The following TMEM53 variants were observed in gnomAD, a reference collection of about 807,000 sequenced individuals.
The protein encoded by TMEM53 is transmembrane protein 53.
A neutral mutation model predicts 21.4 loss-of-function variants in TMEM53; 14 were observed. That is an observed-to-expected ratio of 0.65 (90% CI 0.43 to 1.02). The LOEUF is 1.02. Among genes scored for constraint, TMEM53 ranks in the 50% least tolerant of loss-of-function variants. The pLI is 0.00. For missense variants in TMEM53, 323 were observed against 383.6 expected, an observed-to-expected ratio of 0.84 and a Z score of 1.32; for synonymous variants, 148 against 157.4, an observed-to-expected ratio of 0.94 and a Z score of 0.45.
Position 44,654,578 on chromosome 1 carries a change from C to T in TMEM53, c.815G>A (p.Arg272His), listed in dbSNP as rs891232746. Residue 272 changes from arginine to histidine, a missense_variant, in exon 3 of 3, where the codon CGC becomes CAC. Around this residue, in one of 3 missense-constraint regions of TMEM53, gnomAD observed 269 missense variants for 334.5 expected, o/e 0.80. Transcript: ENST00000372237. This position sits in a 1 kb window ranked among gnomAD's most constrained non-coding sequence, Gnocchi z 7.0. ...YYTSLCVDFMRNCVRC is the reference protein window; with the variant it reads ...YYTSLCVDFMHNCVRC Reference sequence around the variant, plus strand: ...ATGGCCTCAGCAGCGGACGCAGTTGCGCATGAAGTCGACACAGAGGCTTGT... The same window carrying T: ...ATGGCCTCAGCAGCGGACGCAGTTGTGCATGAAGTCGACACAGAGGCTTGT... 4.9e-5 allele frequency: 79 copies of T among 1,606,456 alleles called. No homozygotes were observed. The highest frequency in any genetic ancestry group is 6.4e-5 in the Non-Finnish European group (75 of 1,173,864).
At chr1:44,672,138 G>A (rs1470860912) in intron 1 of TMEM53, among the ~76,000 whole-genome samples, 1 of 152,200 alleles carries the variant, frequency 6.6e-6, no homozygotes, top group Non-Finnish European at 1.5e-5. Flanking sequence ...CTCCTTCTGA[G>A]GGGTTTGACA....
intron 1 of TMEM53, among the ~76,000 whole-genome samples, chr1:44,671,352 C>T (rs973500893): frequency 1.3e-5 from 2 of 152,256 alleles, no homozygotes; most frequent in African/African-American, 4.8e-5. Context: ...GCCCAGGGCT[C>T]TGAATGACCC....
chr1:44,665,781 G>A (rs144494858), intron 1 of TMEM53, among the ~76,000 whole-genome samples: 4 of 152,172 alleles, frequency 2.6e-5, no homozygotes, highest in African/African-American at 4.8e-5. Context: ...ACTGTTAGAC[G>A]AGAACATATG....
chr1:44,661,030 T>C (rs912691618), intron 1 of TMEM53, among the ~76,000 whole-genome samples: 1 of 152,134 alleles, frequency 6.6e-6, no homozygotes, highest in African/African-American at 2.4e-5. Context: ...ATATGGAATT[T>C]AAATTTCATT....
At position 44,655,151 on chromosome 1, in the gene TMEM53, A is replaced by G. The variant is rs747562287; in HGVS notation, c.242T>C (p.Leu81Pro). The G allele has an allele frequency of 1.9e-6, 3 of 1,613,918 alleles. No individual in the cohort carries two copies. The South Asian group carries it at 3.3e-5, about 18-fold the overall frequency. Residue 81 changes from leucine to proline, a missense_variant, in exon 3 of 3, where the codon CTG becomes CCG. Around this residue, in one of 3 missense-constraint regions of TMEM53, gnomAD observed 269 missense variants for 334.5 expected, o/e 0.80. Coordinates refer to ENST00000372237, the MANE Select transcript of TMEM53 (RefSeq NM_024587.4). The surrounding 1 kb of genome is among the most constrained non-coding windows in gnomAD (Gnocchi z 4.4). ...CAAAACACGAAGTGAAGGGATACCC[A>G]GTGACTCGGAGAAGAAGACCATGTG... is the stretch of plus-strand genomic sequence containing the variant. The part of the protein sequence containing the change: ...PWHMVFFSES[L>P]GIPSLRVLAQ...
chr1:44,655,213 G>C lies in TMEM53; in HGVS notation c.184-4C>G, dbSNP rs79498143. 6.3e-7 allele frequency: 1 copy of C among 1,593,412 alleles called. No individual in the cohort carries two copies. Among genetic ancestry groups the C allele is most frequent in the African/African-American group, 1.3e-5 (1 of 74,452 alleles). ...TGTATCGGATTACGATGCAGCCCTG[G>C]GGAGAGAGGCCTGGTCAGTCCTCAC... On this transcript the variant is annotated splice_region_variant and splice_polypyrimidine_tract_variant and intron_variant, in intron 2 of 2. Coordinates refer to ENST00000372237, the MANE Select transcript of TMEM53 (RefSeq NM_024587.4). This position sits in a 1 kb window ranked among gnomAD's most constrained non-coding sequence, Gnocchi z 4.4.
intron 2 of TMEM53, among the ~76,000 whole-genome samples, chr1:44,658,427 C>G (rs112702633): frequency 6.6e-6 from 1 of 152,144 alleles, no homozygotes; most frequent in Middle Eastern, 3.2e-3. Flanking sequence ...CATCACCTTA[C>G]CTCTACCGAC....
intron 1 of TMEM53, chr1:44,673,827 C>T (rs148296136): frequency 0.015 from 14,983 of 984,480 alleles, 133 homozygotes; most frequent in Non-Finnish European, 0.017. Flanking sequence ...TACCCGACGG[C>T]AGAGACTGCA....
rs928471358 is a variant in TMEM53 at position 44,654,215 on chromosome 1, C to G, written c.*344G>C. ...TACCAGAGTTTAAATTTTAAAAAAT[C>G]AACTAGGGCTCACCCTCAACACCCC... On this transcript the variant is annotated 3_prime_UTR_variant, in exon 3 of 3. Transcript: ENST00000372237. The surrounding 1 kb of genome is among the most constrained non-coding windows in gnomAD (Gnocchi z 7.0). The G allele has an allele frequency of 3.5e-5, 8 of 231,704 alleles. No homozygotes were observed. In the South Asian group the frequency reaches 8.8e-4, roughly 25 times the overall value. The allele number at this position is 231,704 out of a possible 1,614,324, so 14.4% of individuals were successfully genotyped here. A position where few individuals can be genotyped will look rare whatever the true frequency, so the allele number is the denominator to read the frequency against.
At chr1:44,662,654 G>T (rs1366305574) in intron 1 of TMEM53, among the ~76,000 whole-genome samples, 3 of 152,068 alleles carry the variant, frequency 2.0e-5, no homozygotes, top group Non-Finnish European at 4.4e-5. Context: ...TACCTCTGCA[G>T]CTGTCTGAGA....
chr1:44,663,551 C>T (rs954976580), intron 1 of TMEM53, among the ~76,000 whole-genome samples: 1 of 152,186 alleles, frequency 6.6e-6, no homozygotes, highest in Non-Finnish European at 1.5e-5. Flanking sequence ...AAAGTCATTG[C>T]TATGGCTATT....
At chr1:44,673,762 C>T (rs1050773635) in intron 1 of TMEM53, 7 of 853,546 alleles carry the variant, frequency 8.2e-6, no homozygotes, top group Non-Finnish European at 9.9e-6. Context: ...GAGAAGGTAG[C>T]TTACCAAAGG....
chr1:44,663,606 T>C (rs1483905015), intron 1 of TMEM53, among the ~76,000 whole-genome samples: 1 of 152,178 alleles, frequency 6.6e-6, no homozygotes, highest in Non-Finnish European at 1.5e-5. Context: ...CACCCTCTTG[T>C]ACAAACTCCT....
intron 2 of TMEM53, among the ~76,000 whole-genome samples, chr1:44,658,872 C>T (rs958114722): frequency 5.3e-5 from 8 of 152,060 alleles, no homozygotes; most frequent in Non-Finnish European, 1.2e-4. Context: ...TTCTGATTCA[C>T]GAATCTAACA....
intron 2 of TMEM53, among the ~76,000 whole-genome samples, chr1:44,656,276 T>C (rs866078812): frequency 6.6e-6 from 1 of 151,912 alleles, no homozygotes; most frequent in Non-Finnish European, 1.5e-5. Context: ...TGGGTAAAAT[T>C]AGATGAAAAA....
intron 1 of TMEM53, among the ~76,000 whole-genome samples, chr1:44,666,020 A>C (rs1272422517): frequency 6.6e-6 from 1 of 152,250 alleles, no homozygotes; most frequent in Admixed American, 6.5e-5. Flanking sequence ...AAACTCCTAA[A>C]ACTCAACAGC....
At chr1:44,671,005 C>CTCTGA (rs1644995528) in intron 1 of TMEM53, among the ~76,000 whole-genome samples, 2 of 152,174 alleles carry the variant, frequency 1.3e-5, no homozygotes, top group African/African-American at 4.8e-5. Context: ...TACAGTGCTG[C>CTCTGA]CAAGTGATTC....
chr1:44,660,810 C>CAA lies in TMEM53; in HGVS notation c.62-517_62-516dup, dbSNP rs780453793. On this transcript the variant is annotated intron_variant, in intron 1 of 2. Transcript: ENST00000372237. ...CCATCCTGGCTAAGACAAAAAAATACAAAAAAAAAAAAATTAGCCGTGCGT... is the reference window on the plus strand; with the variant it reads ...CCATCCTGGCTAAGACAAAAAAATACAAAAAAAAAAAAAAATTAGCCGTGCGT... Among the ~76,000 whole-genome samples, 1,345 of 138,326 alleles carry CAA rather than the reference C, an allele frequency of 9.7e-3. 26 individuals carry two copies. The highest frequency in any genetic ancestry group is 0.034 in the African/African-American group (1,277 of 38,046). 90.7% of individuals were successfully genotyped at this position (138,326 alleles called of 152,430 possible).
At position 44,654,294 on chromosome 1, in the gene TMEM53, T is replaced by C; in HGVS notation, c.*265A>G. 1 of 467,966 alleles carries C rather than the reference T, an allele frequency of 2.1e-6. No homozygotes were observed. The highest frequency in any genetic ancestry group is 3.7e-5 in the Admixed American group (1 of 26,940). The allele number at this position is 467,966 out of a possible 1,614,324, so 29.0% of individuals were successfully genotyped here. A position where few individuals can be genotyped will look rare whatever the true frequency, so the allele number is the denominator to read the frequency against. ...ATGCCACAGGAATCAGCAGCCTGACTGTTGCACTTGTCCAAACACAACTGA... is the reference window on the plus strand; with the variant it reads ...ATGCCACAGGAATCAGCAGCCTGACCGTTGCACTTGTCCAAACACAACTGA... On this transcript the variant is annotated 3_prime_UTR_variant, in exon 3 of 3. Transcript: ENST00000372237. This position sits in a 1 kb window ranked among gnomAD's most constrained non-coding sequence, Gnocchi z 7.0.
Sources: gnomAD v4.1 joint callset for allele counts (sites outside exome capture counted in the v4.1 genomes callset) on GRCh38, gnomAD v4.1.1 for gene constraint, gnomAD v4.1.1 regional missense constraint, Gnocchi (gnomAD v3.1) non-coding constraint, MANE v1.5 for transcripts, NCBI Gene and HGNC (gene_info 2026-07-23, HGNC 2026-07-21) for gene names.